The following PTGES variants were observed in gnomAD, a reference collection of about 807,000 sequenced individuals.
PTGES encodes prostaglandin E synthase.
In PTGES, 3 loss-of-function variants were observed where a neutral mutation model predicts 11.8. That is an observed-to-expected ratio of 0.25 (90% CI 0.12 to 0.66). The LOEUF (loss-of-function observed/expected upper bound fraction) is 0.66, where lower values mean the gene tolerates loss of function less well. PTGES is among the 30% of genes least tolerant of loss of function. PTGES has a pLI of 0.82. For synonymous variants in PTGES, 94 were observed against 90.4 expected, an observed-to-expected ratio of 1.04 and a Z score of -0.22; for missense variants, 180 against 213.0, an observed-to-expected ratio of 0.85 and a Z score of 0.96.
Position 129,739,590 on chromosome 9 carries a change from C to T in PTGES, c.*21G>A. On this transcript the variant is annotated 3_prime_UTR_variant, in exon 3 of 3. Transcript: ENST00000340607. The surrounding 1 kb of genome is among the most constrained non-coding windows in gnomAD (Gnocchi z 5.7). ...GGCTCTTGGCCCATGGTCTGGTGGC[C>T]AAGGAGGCATCAGCTGCTGGTCACA... The T allele has an allele frequency of 6.5e-7, 1 of 1,546,194 alleles. No homozygotes were observed. The highest frequency in any genetic ancestry group is 2.4e-5 in the East Asian group (1 of 40,828).
At chr9:129,749,955 G>A (rs979146223) in intron 1 of PTGES, among the ~76,000 whole-genome samples, 3 of 152,198 alleles carry the variant, frequency 2.0e-5, no homozygotes, top group South Asian at 2.1e-4. Context: ...ACCCAGCTCC[G>A]CGCTGATTAA....
chr9:129,749,056 T>C (rs1415848661), intron 1 of PTGES, among the ~76,000 whole-genome samples: 1 of 152,158 alleles, frequency 6.6e-6, no homozygotes, highest in Admixed American at 6.6e-5. Context: ...CCTGACCCAG[T>C]CTGAGGCTCT....
At chr9:129,744,852 G>A (rs4837406) in intron 2 of PTGES, among the ~76,000 whole-genome samples, 14,169 of 151,878 alleles carry the variant, frequency 0.093, 718 homozygotes, top group East Asian at 0.2. Flanking sequence ...ACTCCAGCCT[G>A]GGCAACAAGA....
intron 1 of PTGES, among the ~76,000 whole-genome samples, chr9:129,752,559 G>T (rs774166635): frequency 2.0e-5 from 3 of 152,234 alleles, no homozygotes; most frequent in Non-Finnish European, 4.4e-5. Context: ...GAAGCCACCA[G>T]GTTAGACAGA....
At chr9:129,750,858 G>C (rs992747923) in intron 1 of PTGES, among the ~76,000 whole-genome samples, 1 of 152,170 alleles carries the variant, frequency 6.6e-6, no homozygotes, top group African/African-American at 2.4e-5. Context: ...CCTCCAGCAA[G>C]TCCTTCCTGG....
In PTGES at chr9:129,745,233, C is replaced by G. The variant is rs1205895480; in HGVS notation, c.209+3422G>C. On this transcript the variant is annotated intron_variant, in intron 2 of 2. Transcript: ENST00000340607. This position sits in a 1 kb window ranked among gnomAD's most constrained non-coding sequence, Gnocchi z 4.2. ...ACACACCCAACCTCAGATTCTGGCCCAGACGCACATTGCCGGGAACTCCGG... is the reference window on the plus strand; with the variant it reads ...ACACACCCAACCTCAGATTCTGGCCGAGACGCACATTGCCGGGAACTCCGG... Among the ~76,000 whole-genome samples the G allele has an allele frequency of 1.3e-5, 2 of 152,214 alleles. No individual in the cohort carries two copies.
At position 129,740,160 on chromosome 9, in the gene PTGES, C is replaced by A. The variant is rs1832982066; in HGVS notation, c.210-300G>T. 2.6e-5 allele frequency among the ~76,000 whole-genome samples: 4 copies of A among 152,196 alleles called. No homozygotes were observed. The South Asian group carries it at 8.3e-4, about 32-fold the overall frequency. On this transcript the variant is annotated intron_variant, in intron 2 of 2. Coordinates refer to ENST00000340607, the MANE Select transcript of PTGES (RefSeq NM_004878.5). ...ACCTCTATGGCTTGCCGGGACCCCA[C>A]TCCTGCCATACTCTCCCCCACCTTC...
rs200872549 is a variant in PTGES, at chr9:129,739,860, C to T, written c.210G>A (p.Arg70=). 4 of 1,565,350 alleles carry T rather than the reference C, an allele frequency of 2.6e-6. No homozygotes were observed. Among genetic ancestry groups the T allele is most frequent in the Non-Finnish European group, 3.5e-6 (4 of 1,154,588 alleles). ...TGGTCTCCATGTCGTTCCGGTGGGC[C>T]CTGGGGAGACAAGAGGGGTGCGGTC... ...RSDPDVERCL[R]AHRNDMETIY... Residue 70 remains arginine, a splice_region_variant and synonymous_variant, in exon 3 of 3, where the codon AGG becomes AGA. Coordinates refer to ENST00000340607, the MANE Select transcript of PTGES (RefSeq NM_004878.5). The surrounding 1 kb of genome is among the most constrained non-coding windows in gnomAD (Gnocchi z 5.7).
intron 1 of PTGES, among the ~76,000 whole-genome samples, chr9:129,750,842 CTGTCA>C (rs1833096396): frequency 6.6e-6 from 1 of 152,206 alleles, no homozygotes; most frequent in Non-Finnish European, 1.5e-5. Context: ...GGGCCTGTGA[CTGTCA>C]CCTCCAGCAA....
intron 2 of PTGES, among the ~76,000 whole-genome samples, chr9:129,747,158 T>C (rs1833056134): frequency 6.6e-6 from 1 of 152,100 alleles, no homozygotes; most frequent in Admixed American, 6.6e-5. Context: ...CCCTCGAAAA[T>C]GTTGGGATTA....
At position 129,751,570 on chromosome 9, in the gene PTGES, C is replaced by T. The variant is rs370863128; in HGVS notation, c.126+1317G>A. Among the ~76,000 whole-genome samples the T allele has an allele frequency of 7.3e-5, 11 of 151,114 alleles. No individual in the cohort carries two copies. In the South Asian group the frequency reaches 1.7e-3, roughly 23 times the overall value. On this transcript the variant is annotated intron_variant, in intron 1 of 2. Transcript: ENST00000340607. ...GGTGTGTGTCTGTAATGCCAGCTAC[C>T]GGGGAGGCTGAGGCAGTAGAATTGC... is the stretch of plus-strand genomic sequence containing the variant.
At chr9:129,752,617 C>T (rs952109678) in intron 1 of PTGES, among the ~76,000 whole-genome samples, 1 of 152,262 alleles carries the variant, frequency 6.6e-6, no homozygotes, top group African/African-American at 2.4e-5. Flanking sequence ...GAACCTGCTT[C>T]TCTCACAGAC....
At chr9:129,744,442 G>T (rs1833030720) in intron 2 of PTGES, among the ~76,000 whole-genome samples, 1 of 152,052 alleles carries the variant, frequency 6.6e-6, no homozygotes, top group African/African-American at 2.4e-5. Context: ...AGGCATGGTG[G>T]CACGTGTCTG....
chr9:129,741,857 A>T (rs1208242111), intron 2 of PTGES, among the ~76,000 whole-genome samples: 1 of 151,860 alleles, frequency 6.6e-6, no homozygotes, highest in Non-Finnish European at 1.5e-5. Flanking sequence ...GTGAGCTGAG[A>T]TCATGCCATT....
chr9:129,747,882 C>A (rs555698826), intron 2 of PTGES, among the ~76,000 whole-genome samples: 2 of 151,674 alleles, frequency 1.3e-5, no homozygotes, highest in East Asian at 3.9e-4. Context: ...TGATGGTGCA[C>A]GCCTGTAGCC....
chr9:129,739,375 G>T lies in PTGES; in HGVS notation c.*236C>A, dbSNP rs200737862. 1.1e-5 allele frequency: 6 copies of T among 560,944 alleles called. No individual in the cohort carries two copies. Among genetic ancestry groups the T allele is most frequent in the African/African-American group, 1.9e-5 (1 of 53,092 alleles). The allele number at this position is 560,944 out of a possible 1,614,324, so 34.7% of individuals were successfully genotyped here. A position where few individuals can be genotyped will look rare whatever the true frequency, so the allele number is the denominator to read the frequency against. ...AATCTTCACAATCTGTCTTGAAATG[G>T]TTCCCATCAGCCACTTCGTGCAGGA... On this transcript the variant is annotated 3_prime_UTR_variant, in exon 3 of 3. Transcript: ENST00000340607. The surrounding 1 kb of genome is among the most constrained non-coding windows in gnomAD (Gnocchi z 5.7).
chr9:129,748,990 G>C (rs955978385), intron 1 of PTGES, among the ~76,000 whole-genome samples: 2 of 152,162 alleles, frequency 1.3e-5, no homozygotes, highest in Non-Finnish European at 1.5e-5. Flanking sequence ...GGAAGGCCAG[G>C]GTGTCTCACC....
intron 1 of PTGES, chr9:129,749,697 T>C (rs1833085296): frequency 6.6e-6 from 1 of 152,190 alleles, no homozygotes; most frequent in African/African-American, 2.4e-5. Flanking sequence ...TGCATTGACA[T>C]TAACCAGATG....
intron 2 of PTGES, among the ~76,000 whole-genome samples, chr9:129,744,891 AT>A (rs1295428254): frequency 9.9e-5 from 15 of 151,364 alleles, no homozygotes; most frequent in African/African-American, 3.4e-4. Context: ...AAAAAAAAAA[AT>A]TTTTTTTGAG....
Sources: allele counts gnomAD v4.1 joint callset (sites outside exome capture counted in the v4.1 genomes callset), GRCh38; gene constraint gnomAD v4.1.1; non-coding constraint Gnocchi (gnomAD v3.1); transcripts MANE v1.5; gene names NCBI Gene and HGNC (gene_info 2026-07-23, HGNC 2026-07-21).